Variants in TMEM135 observed in about 807,000 individuals in gnomAD.
TMEM135 encodes transmembrane protein 135.
In TMEM135, 30 loss-of-function variants were observed where a neutral mutation model predicts 60.3. The observed-to-expected ratio is 0.50, with a 90% CI of 0.37 to 0.68. The LOEUF (loss-of-function observed/expected upper bound fraction) is 0.68, where lower values mean the gene tolerates loss of function less well. TMEM135 is among the 30% of genes least tolerant of loss of function. The pLI is 0.00. For missense variants in TMEM135, 468 were observed against 548.8 expected (o/e 0.85, Z 1.47); for synonymous variants, 190 against 186.7 (o/e 1.02, Z -0.14).
chr11:87,063,510 A>G (rs1215923635), intron 1 of TMEM135, among the ~76,000 whole-genome samples: 1 of 152,204 alleles, frequency 6.6e-6, no homozygotes, highest in Non-Finnish European at 1.5e-5. Context: ...GGCTAACACA[A>G]TTATTGGTAT....
At chr11:87,144,222 A>G (rs1310392792) in intron 4 of TMEM135, among the ~76,000 whole-genome samples, 2 of 152,214 alleles carry the variant, frequency 1.3e-5, no homozygotes. Flanking sequence ...AAACAGGTAA[A>G]TATTTACAAT....
intron 6 of TMEM135, among the ~76,000 whole-genome samples, chr11:87,282,301 G>T (rs1234895042): frequency 6.6e-6 from 1 of 151,588 alleles, no homozygotes; most frequent in East Asian, 1.9e-4. Context: ...TTTTGCTCTT[G>T]TTGCCCAGCC....
chr11:87,282,561 C>T (rs999457832), intron 6 of TMEM135, among the ~76,000 whole-genome samples: 9 of 152,204 alleles, frequency 5.9e-5, no homozygotes, highest in Admixed American at 2.6e-4. Flanking sequence ...CCACCGCATC[C>T]GGCCAACACT....
intron 5 of TMEM135, among the ~76,000 whole-genome samples, chr11:87,168,477 TG>T (rs1939131637): frequency 6.6e-6 from 1 of 152,226 alleles, no homozygotes; most frequent in Admixed American, 6.5e-5. Flanking sequence ...CTCCTTTAGC[TG>T]TGTCCCAGAG....
intron 1 of TMEM135, among the ~76,000 whole-genome samples, chr11:87,047,550 G>T (rs1302940869): frequency 7.2e-6 from 1 of 138,272 alleles, no homozygotes; most frequent in Non-Finnish European, 1.5e-5. Context: ...AAAGAAAGGG[G>T]TGATGGACGC....
At chr11:87,319,438 AT>A (rs906865124) in intron 14 of TMEM135, 61 bp downstream of exon 14, 17 of 1,202,146 alleles carry the variant, frequency 1.4e-5, no homozygotes, top group Non-Finnish European at 2.1e-5. Context: ...TTGAGGGAAT[AT>A]TCTTTCAGTG....
intron 4 of TMEM135, among the ~76,000 whole-genome samples, chr11:87,135,510 C>T (rs1220172222): frequency 9.9e-5 from 5 of 50,550 alleles, no homozygotes; most frequent in Non-Finnish European, 1.7e-4. Flanking sequence ...TTTTTTTTAA[C>T]GGAATTACGT....
intron 5 of TMEM135, among the ~76,000 whole-genome samples, chr11:87,207,613 T>C (rs1370480425): frequency 6.6e-6 from 1 of 152,212 alleles, no homozygotes; most frequent in Non-Finnish European, 1.5e-5. Flanking sequence ...ATTTACTATT[T>C]CATTAAGTTC....
intron 5 of TMEM135, among the ~76,000 whole-genome samples, chr11:87,214,012 A>G (rs1377617431): frequency 2.0e-5 from 3 of 152,200 alleles, no homozygotes; most frequent in Non-Finnish European, 2.9e-5. Context: ...TATGAAAAAG[A>G]GTTTTAAATA....
At chr11:87,117,175 A>G (rs1344635301) in intron 4 of TMEM135, among the ~76,000 whole-genome samples, 1 of 152,196 alleles carries the variant, frequency 6.6e-6, no homozygotes, top group Non-Finnish European at 1.5e-5. Context: ...ACTTATAGCT[A>G]CAAGTTGATA....
At chr11:87,283,719 G>T (rs375397253) in intron 6 of TMEM135, among the ~76,000 whole-genome samples, 1 of 152,072 alleles carries the variant, frequency 6.6e-6, no homozygotes, top group Non-Finnish European at 1.5e-5. Flanking sequence ...TTAGCTGGGC[G>T]TGGTGGCGGG....
intron 4 of TMEM135, among the ~76,000 whole-genome samples, chr11:87,138,293 G>A (rs1313904949): frequency 6.6e-6 from 1 of 152,038 alleles, no homozygotes; most frequent in Non-Finnish European, 1.5e-5. Context: ...GTTTCACCAT[G>A]TTGGCCAGGC....
intron 4 of TMEM135, among the ~76,000 whole-genome samples, chr11:87,117,665 C>T (rs957925508): frequency 6.6e-6 from 1 of 152,172 alleles, no homozygotes; most frequent in Non-Finnish European, 1.5e-5. Context: ...AGTTCTGTTG[C>T]TCTTTCAACC....
At chr11:87,195,802 G>T (rs1939942391) in intron 5 of TMEM135, among the ~76,000 whole-genome samples, 1 of 152,152 alleles carries the variant, frequency 6.6e-6, no homozygotes, top group African/African-American at 2.4e-5. Flanking sequence ...GCCTGTCAAT[G>T]TTGATGTTCG....
intron 10 of TMEM135, among the ~76,000 whole-genome samples, chr11:87,310,297 C>T (rs1337165538): frequency 6.6e-6 from 1 of 152,114 alleles, no homozygotes; most frequent in East Asian, 1.9e-4. Flanking sequence ...TAACCTAGTA[C>T]TCTGCAACTT....
At chr11:87,230,816 G>T (rs958278887) in intron 5 of TMEM135, among the ~76,000 whole-genome samples, 3 of 151,738 alleles carry the variant, frequency 2.0e-5, no homozygotes, top group Non-Finnish European at 4.4e-5. Context: ...TTGAGATATG[G>T]CTAGGGTGAA....
intron 10 of TMEM135, among the ~76,000 whole-genome samples, chr11:87,310,104 A>G (rs1942615840): frequency 6.6e-6 from 1 of 152,066 alleles, no homozygotes; most frequent in Non-Finnish European, 1.5e-5. Context: ...AGAATCGGTG[A>G]GGATTTTCTA....
chr11:87,301,991 G>GT (rs1942457221), intron 7 of TMEM135, among the ~76,000 whole-genome samples: 1 of 152,116 alleles, frequency 6.6e-6, no homozygotes, highest in African/African-American at 2.4e-5. Context: ...TGCTGCAGCT[G>GT]TTTATGACTC....
chr11:87,203,928 G>A (rs1297531169), intron 5 of TMEM135, among the ~76,000 whole-genome samples: 2 of 151,962 alleles, frequency 1.3e-5, no homozygotes, highest in East Asian at 1.9e-4. Context: ...GTATCTTATC[G>A]TTCGTTTTCC....
Sources: gnomAD v4.1 joint callset for allele counts (sites outside exome capture counted in the v4.1 genomes callset) on GRCh38, gnomAD v4.1.1 for gene constraint, MANE v1.5 for transcripts, NCBI Gene and HGNC (gene_info 2026-07-23, HGNC 2026-07-21) for gene names.